VWA8: variants seen among roughly 807,000 people sequenced by gnomAD.
The protein encoded by VWA8 is von Willebrand factor A domain containing 8.
In VWA8, 221 loss-of-function variants were observed where a neutral mutation model predicts 241.5. That is an observed-to-expected ratio of 0.91 (90% confidence interval 0.82 to 1.02). The LOEUF is 1.02. Among genes scored for constraint, VWA8 ranks in the 50% least tolerant of loss-of-function variants. The pLI, the probability that VWA8 is intolerant of heterozygous loss-of-function variation, is 0.00. For synonymous variants in VWA8, 852 were observed against 827.1 expected (o/e 1.03, Z -0.52); for missense variants, 2,322 against 2,328.7 (o/e 1.00, Z 0.06).
intron 12 of VWA8, among the ~76,000 whole-genome samples, chr13:41,864,814 C>T (rs543397239): frequency 1.3e-5 from 2 of 152,046 alleles, no homozygotes; most frequent in East Asian, 1.9e-4. Context: ...TGGCGAAACC[C>T]TGTCTCTACT....
chr13:41,848,728 T>C (rs958435185), intron 12 of VWA8, among the ~76,000 whole-genome samples: 1 of 152,228 alleles, frequency 6.6e-6, no homozygotes, highest in Non-Finnish European at 1.5e-5. Context: ...GTCTTGGGTA[T>C]TTCTTCATAG....
intron 42 of VWA8, among the ~76,000 whole-genome samples, chr13:41,579,230 T>C (rs2044368194): frequency 1.3e-5 from 2 of 152,210 alleles, no homozygotes; most frequent in Non-Finnish European, 2.9e-5. Flanking sequence ...AATTCTCATG[T>C]CCTTCTAGAA....
chr13:41,811,763 A>G (rs550274080), intron 16 of VWA8, among the ~76,000 whole-genome samples: 3 of 152,294 alleles, frequency 2.0e-5, no homozygotes, highest in African/African-American at 7.2e-5. Context: ...AGCCAAAAAG[A>G]GTTGTAAACA....
chr13:41,867,197 T>C (rs1159207561), intron 10 of VWA8, among the ~76,000 whole-genome samples: 1 of 152,224 alleles, frequency 6.6e-6, no homozygotes, highest in East Asian at 1.9e-4. Context: ...CTGCCAAAAA[T>C]GTTCTATCCA....
intron 5 of VWA8, among the ~76,000 whole-genome samples, chr13:41,887,805 C>T (rs1168441702): frequency 6.6e-6 from 1 of 152,210 alleles, no homozygotes; most frequent in East Asian, 1.9e-4. Flanking sequence ...CTAGCAATAA[C>T]TAACATGTTT....
intron 37 of VWA8, among the ~76,000 whole-genome samples, chr13:41,636,131 T>G (rs1228038038): frequency 6.6e-6 from 1 of 152,042 alleles, no homozygotes; most frequent in African/African-American, 2.4e-5. Flanking sequence ...TCTTCCTTAT[T>G]AAGAACATCA....
At chr13:41,633,928 A>G (rs1393341948) in intron 37 of VWA8, among the ~76,000 whole-genome samples, 1 of 152,118 alleles carries the variant, frequency 6.6e-6, no homozygotes, top group African/African-American at 2.4e-5. Context: ...CATTCCAACA[A>G]GTTCCCCTGC....
chr13:41,735,771 A>G, intron 21 of VWA8, among the ~76,000 whole-genome samples: 1 of 152,158 alleles, frequency 6.6e-6, no homozygotes, highest in East Asian at 1.9e-4. Context: ...TTGATTTCCA[A>G]GATATACTAT....
chr13:41,774,835 C>T (rs1050538939), intron 20 of VWA8, among the ~76,000 whole-genome samples: 15 of 152,184 alleles, frequency 9.9e-5, no homozygotes, highest in African/African-American at 3.6e-4. Flanking sequence ...TGATATCACA[C>T]ATATCAATTT....
intron 12 of VWA8, among the ~76,000 whole-genome samples, chr13:41,848,975 C>G (rs1225000248): frequency 6.6e-6 from 1 of 152,216 alleles, no homozygotes; most frequent in Non-Finnish European, 1.5e-5. Context: ...ATTTTAGCAG[C>G]TTCTACCAAC....
chr13:41,568,794 T>C (rs554037868), intron 44 of VWA8, among the ~76,000 whole-genome samples: 3 of 152,350 alleles, frequency 2.0e-5, no homozygotes, highest in African/African-American at 4.8e-5. Flanking sequence ...CTCTCTCTTT[T>C]TTTTGGTCCA....
At chr13:41,614,547 G>C (rs1469805122) in intron 38 of VWA8, among the ~76,000 whole-genome samples, 1 of 152,230 alleles carries the variant, frequency 6.6e-6, no homozygotes, top group East Asian at 1.9e-4. Flanking sequence ...AGTTGCTGAA[G>C]AAAGAATTTA....
chr13:41,806,107 G>C (rs1433448357), intron 17 of VWA8, among the ~76,000 whole-genome samples: 1 of 151,606 alleles, frequency 6.6e-6, no homozygotes, highest in Non-Finnish European at 1.5e-5. Context: ...CAAATACATG[G>C]AAACTAAACA....
chr13:41,799,617 C>T (rs146291075), intron 17 of VWA8, among the ~76,000 whole-genome samples: 138 of 152,276 alleles, frequency 9.1e-4, no homozygotes, highest in African/African-American at 1.6e-3. Flanking sequence ...CCTGCAGCCA[C>T]GTCCGTTGTC....
intron 2 of VWA8, among the ~76,000 whole-genome samples, chr13:41,923,068 A>T (rs1465870660): frequency 6.6e-6 from 1 of 152,214 alleles, no homozygotes; most frequent in Non-Finnish European, 1.5e-5. Context: ...GGATTAAGAA[A>T]ATGTGGTACA....
intron 1 of VWA8, among the ~76,000 whole-genome samples, chr13:41,950,230 TA>T (rs1283341547): frequency 6.9e-6 from 1 of 144,544 alleles, no homozygotes; most frequent in Admixed American, 7.2e-5. Flanking sequence ...TTAAATGTGT[TA>T]GCAAACAAAC....
intron 35 of VWA8, among the ~76,000 whole-genome samples, chr13:41,678,508 A>ACC (rs2045076069): frequency 6.6e-6 from 1 of 152,192 alleles, no homozygotes; most frequent in South Asian, 2.1e-4. Context: ...GCCAAGAGTG[A>ACC]CCAGTTACTG....
intron 20 of VWA8, among the ~76,000 whole-genome samples, chr13:41,776,456 A>G (rs771421293): frequency 6.6e-6 from 1 of 152,190 alleles, no homozygotes; most frequent in African/African-American, 2.4e-5. Context: ...CCACTCTGGT[A>G]TATAGGTTCA....
intron 20 of VWA8, among the ~76,000 whole-genome samples, chr13:41,761,472 G>T (rs189615137): frequency 6.6e-6 from 1 of 152,076 alleles, no homozygotes; most frequent in East Asian, 1.9e-4. Flanking sequence ...TGACTTTTCT[G>T]TTCTGTAAAT....
Sources: gnomAD v4.1 joint callset for allele counts (sites outside exome capture counted in the v4.1 genomes callset) on GRCh38, gnomAD v4.1.1 for gene constraint, MANE v1.5 for transcripts, NCBI Gene and HGNC (gene_info 2026-07-23, HGNC 2026-07-21) for gene names.